RAPGEF2: variants seen among roughly 807,000 people sequenced by gnomAD.
RAPGEF2 encodes the protein Rap guanine nucleotide exchange factor 2.
Under a neutral mutation model 186.7 loss-of-function variants are expected in RAPGEF2, and 54 were observed. The ratio of observed to expected loss-of-function variants is 0.29; its 90% confidence interval spans 0.23 to 0.36. The LOEUF is 0.36. Ranked by LOEUF, RAPGEF2 falls within the 10% of genes least tolerant of loss-of-function variation. The pLI, the probability that RAPGEF2 is intolerant of heterozygous loss-of-function variation, is 1.00. For missense variants in RAPGEF2, 1,532 were observed against 2,045.0 expected (o/e 0.75, Z 4.84); for synonymous variants, 712 against 705.9 (o/e 1.01, Z -0.14).
At chr4:159,161,074 A>T (rs1481772956) in intron 1 of RAPGEF2, among the ~76,000 whole-genome samples, 1 of 152,180 alleles carries the variant, frequency 6.6e-6, no homozygotes, top group Non-Finnish European at 1.5e-5. Flanking sequence ...TAAAAGAAAA[A>T]AGTACCTTAA....
chr4:159,345,094 T>G lies in RAPGEF2; in HGVS notation c.3279-12T>G. The G allele has an allele frequency of 6.2e-7, 1 of 1,606,826 alleles. No homozygotes were observed. The highest frequency in any genetic ancestry group is 8.5e-7 in the Non-Finnish European group (1 of 1,173,544). ...CTAGAGTGAGCTGCATATGTACCTTTTCATCTTCCAGGTCTCTCAGCCAGG... is the reference window on the plus strand; with the variant it reads ...CTAGAGTGAGCTGCATATGTACCTTGTCATCTTCCAGGTCTCTCAGCCAGG... On this transcript the variant is annotated splice_polypyrimidine_tract_variant and intron_variant, in intron 23 of 29. Coordinates refer to ENST00000691494, the MANE Select transcript of RAPGEF2 (RefSeq NM_001394067.2).
At chr4:159,108,339 T>C (rs117778583) in intron 1 of RAPGEF2, among the ~76,000 whole-genome samples, 1 of 151,854 alleles carries the variant, frequency 6.6e-6, no homozygotes, top group Admixed American at 6.6e-5. Flanking sequence ...ACTCGTTTAA[T>C]GCAGTCGCAG....
intron 3 of RAPGEF2, among the ~76,000 whole-genome samples, chr4:159,208,870 A>T (rs1750221868): frequency 6.6e-6 from 1 of 151,548 alleles, no homozygotes; most frequent in Non-Finnish European, 1.5e-5. Flanking sequence ...ACCCCTAGGA[A>T]AAAAAAAGAA....
chr4:159,243,401 G>A (rs953974437), intron 6 of RAPGEF2, among the ~76,000 whole-genome samples: 8 of 151,590 alleles, frequency 5.3e-5, no homozygotes, highest in African/African-American at 1.9e-4. Context: ...ATTTTGTTTT[G>A]TGTGTATGAT....
chr4:159,268,846 A>G (rs892729726), intron 7 of RAPGEF2, among the ~76,000 whole-genome samples: 3 of 152,178 alleles, frequency 2.0e-5, no homozygotes, highest in Non-Finnish European at 2.9e-5. Flanking sequence ...ACACCAAGTC[A>G]GAGCCTCCTG....
rs746258046 is a variant in RAPGEF2 at position 159,347,865 on chromosome 4, CCTT to C, written c.3712+871_3712+873del. On this transcript the variant is annotated intron_variant, in intron 25 of 29. Transcript: ENST00000691494. ...ACAATAATTTTTCATAAAATGTACA[CCTT>C]CTTTTTTTTCTACGTATATGTGAAT... Among the ~76,000 whole-genome samples the C allele has an allele frequency of 3.9e-4, 60 of 152,266 alleles. 1 individual carries two copies. Among genetic ancestry groups the C allele is most frequent in the Middle Eastern group, 3.4e-3 (1 of 294 alleles).
At chr4:159,108,067 C>A (rs1738074638) in intron 1 of RAPGEF2, among the ~76,000 whole-genome samples, 1 of 152,152 alleles carries the variant, frequency 6.6e-6, no homozygotes, top group South Asian at 2.1e-4. Flanking sequence ...GATTTCATAA[C>A]AATGACATTT....
intron 1 of RAPGEF2, among the ~76,000 whole-genome samples, chr4:159,107,189 C>T (rs1224413361): frequency 1.3e-5 from 2 of 152,266 alleles, no homozygotes; most frequent in South Asian, 2.1e-4. Flanking sequence ...GCCCTGAAAA[C>T]ATTCTACTGA....
At chr4:159,189,952 G>T (rs142853117) in intron 2 of RAPGEF2, among the ~76,000 whole-genome samples, 1 of 152,308 alleles carries the variant, frequency 6.6e-6, no homozygotes, top group African/African-American at 2.4e-5. Flanking sequence ...GAGCAGAAAA[G>T]ATTGATATTT....
intron 7 of RAPGEF2, among the ~76,000 whole-genome samples, chr4:159,253,615 A>C (rs928588383): frequency 2.0e-5 from 3 of 151,996 alleles, no homozygotes; most frequent in Non-Finnish European, 2.9e-5. Context: ...AATACCTGCC[A>C]GATACCCAAT....
At chr4:159,179,649 G>A (rs976426946) in intron 1 of RAPGEF2, among the ~76,000 whole-genome samples, 1 of 152,106 alleles carries the variant, frequency 6.6e-6, no homozygotes, top group Non-Finnish European at 1.5e-5. Flanking sequence ...TTTAAGAAAA[G>A]CCAACAACTA....
rs79007535 is a variant in RAPGEF2, at chr4:159,112,248, A to G, written c.69+8017A>G. On this transcript the variant is annotated intron_variant, in intron 1 of 29. Transcript: ENST00000691494. The stretch of plus-strand genomic sequence containing the variant: ...TGGTAAAAGGTGAGATGGGTTTAAT[A>G]GTGACAATGAAGAGAAAGTTCTGTG... 7.1e-3 allele frequency among the ~76,000 whole-genome samples: 1,085 copies of G among 152,340 alleles called. 4 individuals carry two copies. Among genetic ancestry groups the G allele is most frequent in the African/African-American group, 0.024 (1,002 of 41,574 alleles).
Position 159,316,638 on chromosome 4 carries a change from G to A in RAPGEF2, c.853+1870G>A, listed in dbSNP as rs563678285. On this transcript the variant is annotated intron_variant, in intron 9 of 29. Transcript: ENST00000691494. Reference sequence around the variant, plus strand: ...CCAACTCCATCCATGTCCCTGCAAAGGACATGATCTTGTTCTTTTTATGGC... The same window carrying A: ...CCAACTCCATCCATGTCCCTGCAAAAGACATGATCTTGTTCTTTTTATGGC... Among the ~76,000 whole-genome samples the A allele has an allele frequency of 3.7e-4, 57 of 152,292 alleles. No individual in the cohort carries two copies. The South Asian group carries it at 0.011, about 29-fold the overall frequency.
chr4:159,294,534 T>C (rs1271815657), intron 7 of RAPGEF2, among the ~76,000 whole-genome samples: 1 of 152,218 alleles, frequency 6.6e-6, no homozygotes, highest in Non-Finnish European at 1.5e-5. Flanking sequence ...ACAGTCTAAA[T>C]GGTATGATTG....
At chr4:159,320,294 A>T (rs1367834155) in intron 9 of RAPGEF2, among the ~76,000 whole-genome samples, 1 of 152,102 alleles carries the variant, frequency 6.6e-6, no homozygotes, top group Non-Finnish European at 1.5e-5. Flanking sequence ...CCCATATATG[A>T]TAGATATGGG....
Position 159,353,450 on chromosome 4 carries a change from G to GTT in RAPGEF2, c.4092-28_4092-27dup, listed in dbSNP as rs374512499. On this transcript the variant is annotated intron_variant, in intron 27 of 29. Coordinates refer to ENST00000691494, the MANE Select transcript of RAPGEF2 (RefSeq NM_001394067.2). This position sits in a 1 kb window ranked among gnomAD's most constrained non-coding sequence, Gnocchi z 4.3. Reference sequence around the variant, plus strand: ...CATAGGTGAATTAGTTATCAATCTTGTTTTTTTTTTCTTTTCCATTTCTTT... The same window carrying GTT: ...CATAGGTGAATTAGTTATCAATCTTGTTTTTTTTTTTTCTTTTCCATTTCTTT... The GTT allele has an allele frequency of 2.7e-5, 34 of 1,256,894 alleles. No individual in the cohort carries two copies. Among genetic ancestry groups the GTT allele is most frequent in the South Asian group, 8.1e-5 (4 of 49,330 alleles). 77.9% of individuals were successfully genotyped at this position (1,256,894 alleles called of 1,614,324 possible).
In RAPGEF2 at chr4:159,182,250, C is replaced by T. The variant is rs565705667; in HGVS notation, c.70-4392C>T. Among the ~76,000 whole-genome samples, 331 of 152,056 alleles carry T rather than the reference C, an allele frequency of 2.2e-3. 2 individuals carry two copies. Among genetic ancestry groups the T allele is most frequent in the African/African-American group, 7.4e-3 (307 of 41,470 alleles). On this transcript the variant is annotated intron_variant, in intron 1 of 29. Coordinates refer to ENST00000691494, the MANE Select transcript of RAPGEF2 (RefSeq NM_001394067.2). ...TCTATATGACGGTGACATTTTAAGT[C>T]CCTAATACTGATAAATTTTAAATTG...
intron 3 of RAPGEF2, among the ~76,000 whole-genome samples, chr4:159,201,410 T>C (rs1402597100): frequency 6.6e-6 from 1 of 152,232 alleles, no homozygotes; most frequent in African/African-American, 2.4e-5. Flanking sequence ...TAGTAGCTAT[T>C]ATGGTTGAAA....
intron 1 of RAPGEF2, among the ~76,000 whole-genome samples, chr4:159,138,660 T>C (rs1273095999): frequency 6.6e-6 from 1 of 152,206 alleles, no homozygotes. Context: ...CATTGGGGAA[T>C]GTTTTTTAAA....
Sources: gnomAD v4.1 joint callset for allele counts (sites outside exome capture counted in the v4.1 genomes callset) on GRCh38, gnomAD v4.1.1 for gene constraint, Gnocchi (gnomAD v3.1) non-coding constraint, MANE v1.5 for transcripts, NCBI Gene and HGNC (gene_info 2026-07-23, HGNC 2026-07-21) for gene names.